Variants in NHEJ1 observed in about 807,000 individuals in gnomAD.
NHEJ1 encodes the protein non-homologous end-joining factor 1.
Under a neutral mutation model 39.4 loss-of-function variants are expected in NHEJ1, and 22 were observed. That is an observed-to-expected ratio of 0.56 (90% CI 0.40 to 0.80). NHEJ1 has a LOEUF of 0.80. Among genes scored for constraint, NHEJ1 ranks in the 30% least tolerant of loss-of-function variants. NHEJ1 has a pLI of 0.00. For synonymous variants in NHEJ1, 154 were observed against 135.6 expected (o/e 1.14, Z -0.94); for missense variants, 329 against 357.1 (o/e 0.92, Z 0.63).
chr2:219,159,528 T>TATATATATATATGC (rs745852983), intron 1 of NHEJ1, among the ~76,000 whole-genome samples: 36 of 92,234 alleles, frequency 3.9e-4, no homozygotes, highest in Non-Finnish European at 6.7e-4. Flanking sequence ...TATATATGCA[T>TATATATATATATGC]ATATATATGC....
At chr2:219,079,368 C>T (rs1415831108) in intron 5 of NHEJ1, among the ~76,000 whole-genome samples, 3 of 152,186 alleles carry the variant, frequency 2.0e-5, no homozygotes, top group Non-Finnish European at 4.4e-5. Context: ...TACCTTGGGT[C>T]AAGGGCACCT....
In NHEJ1 at chr2:219,137,583, A is replaced by C. The variant is rs575187604; in HGVS notation, c.588+9097T>G. 8.5e-3 allele frequency among the ~76,000 whole-genome samples: 1,197 copies of C among 141,062 alleles called. 21 individuals are homozygous for C. The highest frequency in any genetic ancestry group is 0.028 in the African/African-American group (1,088 of 39,196). The allele number at this position is 141,062 out of a possible 152,430, so 92.5% of individuals were successfully genotyped here. On this transcript the variant is annotated intron_variant, in intron 5 of 7. Transcript: ENST00000356853. ...ATGTGTTACAGGCAAAAAAAAAAAA[A>C]AAAAAAAAACAAAAAAAACTGAAAA...
Position 219,131,367 on chromosome 2 carries a change from A to C in NHEJ1, c.588+15313T>G, listed in dbSNP as rs192868606. ...TGATGTTAACTAAAAATTATAAGAGACTAATTTCGAAATTAAAATGCCAAT... is the reference window on the plus strand; with the variant it reads ...TGATGTTAACTAAAAATTATAAGAGCCTAATTTCGAAATTAAAATGCCAAT... On this transcript the variant is annotated intron_variant, in intron 5 of 7. Coordinates refer to ENST00000356853, the MANE Select transcript of NHEJ1 (RefSeq NM_024782.3). Among the ~76,000 whole-genome samples, 607 of 152,292 alleles carry C rather than the reference A, an allele frequency of 4.0e-3. 3 individuals carry two copies. The highest frequency in any genetic ancestry group is 6.0e-3 in the Non-Finnish European group (409 of 68,020).
chr2:219,084,346 C>A (rs1020685470), intron 5 of NHEJ1, among the ~76,000 whole-genome samples: 2 of 152,118 alleles, frequency 1.3e-5, no homozygotes, highest in Non-Finnish European at 2.9e-5. Flanking sequence ...TGGGATGCGA[C>A]CCCATCATAA....
chr2:219,081,890 G>A (rs1302049342), intron 5 of NHEJ1, among the ~76,000 whole-genome samples: 3 of 152,218 alleles, frequency 2.0e-5, no homozygotes, highest in African/African-American at 7.2e-5. Flanking sequence ...GACAGGGTAT[G>A]TGGATGTGTC....
chr2:219,130,986 G>A (rs1949572588), intron 5 of NHEJ1, among the ~76,000 whole-genome samples: 1 of 152,088 alleles, frequency 6.6e-6, no homozygotes, highest in South Asian at 2.1e-4. Flanking sequence ...CAGCTACTCG[G>A]GAGGCTGAGG....
intron 1 of NHEJ1, among the ~76,000 whole-genome samples, chr2:219,159,560 T>TACAC: frequency 1.2e-4 from 1 of 8,562 alleles, no homozygotes; most frequent in Non-Finnish European, 7.1e-4. Context: ...TGCATATATA[T>TACAC]ATGCATATAT....
intron 3 of NHEJ1, among the ~76,000 whole-genome samples, chr2:219,150,722 G>A (rs568173946): frequency 5.9e-5 from 9 of 152,220 alleles, no homozygotes; most frequent in South Asian, 2.1e-4. Context: ...GTGGGAGGCC[G>A]AGGCAAGTGG....
At position 219,071,493 on chromosome 2, in the gene NHEJ1, C is replaced by A. The variant is rs928043575; in HGVS notation, c.*4888G>T. Reference sequence around the variant, plus strand: ...GATTAACCATGTTAGACAACAATGCCGAGCTGGGATGGGCTTCCCCTTCCA... The same window carrying A: ...GATTAACCATGTTAGACAACAATGCAGAGCTGGGATGGGCTTCCCCTTCCA... On this transcript the variant is annotated 3_prime_UTR_variant, in exon 8 of 8. Coordinates refer to ENST00000356853, the MANE Select transcript of NHEJ1 (RefSeq NM_024782.3). Among the ~76,000 whole-genome samples, 1 of 152,150 alleles carries A rather than the reference C, an allele frequency of 6.6e-6. No individual in the cohort carries two copies. The highest frequency in any genetic ancestry group is 2.4e-5 in the African/African-American group (1 of 41,436).
intron 5 of NHEJ1, among the ~76,000 whole-genome samples, chr2:219,093,247 C>A (rs905253624): frequency 2.0e-5 from 3 of 152,036 alleles, no homozygotes. Flanking sequence ...AGAGGGCTAC[C>A]CTGGCAGGCA....
rs1949364132 is a variant in NHEJ1, at chr2:219,111,411, C to T, written c.589-33205G>A. ...ATCCTGCATTCTAGAAACTCTCCTA[C>T]AAGGGAAAGATATGGTGATGACATT... is the stretch of plus-strand genomic sequence containing the variant. On this transcript the variant is annotated intron_variant, in intron 5 of 7. Coordinates refer to ENST00000356853, the MANE Select transcript of NHEJ1 (RefSeq NM_024782.3). The surrounding 1 kb of genome is among the most constrained non-coding windows in gnomAD (Gnocchi z 4.1). 6.6e-6 allele frequency among the ~76,000 whole-genome samples: 1 copy of T among 152,188 alleles called. No homozygotes were observed.
At chr2:219,125,788 A>C (rs1184808166) in intron 5 of NHEJ1, 2 of 152,240 alleles carry the variant, frequency 1.3e-5, no homozygotes, top group Non-Finnish European at 2.9e-5. Flanking sequence ...TTTGGGTGAT[A>C]CCCAGCCCCC....
chr2:219,141,461 G>A (rs1435036609), intron 5 of NHEJ1, among the ~76,000 whole-genome samples: 1 of 151,824 alleles, frequency 6.6e-6, no homozygotes, highest in Admixed American at 6.6e-5. Flanking sequence ...GAATAGAGAA[G>A]ATAGGCAGAT....
chr2:219,130,907 A>G (rs1367509408), intron 5 of NHEJ1, among the ~76,000 whole-genome samples: 1 of 152,088 alleles, frequency 6.6e-6, no homozygotes, highest in Non-Finnish European at 1.5e-5. Flanking sequence ...TGGGAAAAAC[A>G]GTGAGACCCA....
At chr2:219,114,188 T>C (rs1451356169) in intron 5 of NHEJ1, among the ~76,000 whole-genome samples, 1 of 152,218 alleles carries the variant, frequency 6.6e-6, no homozygotes, top group Non-Finnish European at 1.5e-5. Flanking sequence ...GACACTTTGC[T>C]TATGAAGGGG....
chr2:219,084,413 C>T (rs912137254), intron 5 of NHEJ1, among the ~76,000 whole-genome samples: 3 of 152,146 alleles, frequency 2.0e-5, no homozygotes, highest in Non-Finnish European at 4.4e-5. Flanking sequence ...ATACTATTAT[C>T]TAGTAATACA....
At chr2:219,119,595 CT>C (rs746138303) in intron 5 of NHEJ1, among the ~76,000 whole-genome samples, 5 of 152,322 alleles carry the variant, frequency 3.3e-5, no homozygotes, top group East Asian at 3.9e-4. Flanking sequence ...CACCCTGCCC[CT>C]GGCCCAGCAC....
chr2:219,121,914 T>C (rs1949475229), intron 5 of NHEJ1, among the ~76,000 whole-genome samples: 1 of 152,194 alleles, frequency 6.6e-6, no homozygotes, highest in South Asian at 2.1e-4. Context: ...GGGGTTTTCA[T>C]GCTATTCTTT....
At position 219,070,757 on chromosome 2, in the gene NHEJ1, TCTAA is replaced by T. The variant is rs1269457790; in HGVS notation, c.*5620_*5623del. ...TGATCTATTCCCTTTGTCTTGCTAT[TCTAA>T]CTATGTAAATTTTCCTGCCAGATTT... is the stretch of plus-strand genomic sequence containing the variant. On this transcript the variant is annotated 3_prime_UTR_variant, in exon 8 of 8. Coordinates refer to ENST00000356853, the MANE Select transcript of NHEJ1 (RefSeq NM_024782.3). 6.6e-6 allele frequency among the ~76,000 whole-genome samples: 1 copy of T among 152,220 alleles called. No individual in the cohort carries two copies. The highest frequency in any genetic ancestry group is 2.4e-5 in the African/African-American group (1 of 41,454).
Sources: gnomAD v4.1 joint callset for allele counts (sites outside exome capture counted in the v4.1 genomes callset) on GRCh38, gnomAD v4.1.1 for gene constraint, Gnocchi (gnomAD v3.1) non-coding constraint, MANE v1.5 for transcripts, NCBI Gene and HGNC (gene_info 2026-07-23, HGNC 2026-07-21) for gene names.